Variants in GTF2F2 observed in about 807,000 individuals in gnomAD.
GTF2F2 encodes the protein general transcription factor IIF subunit 2.
GTF2F2 carries 23 observed loss-of-function variants against 42.2 expected under a neutral mutation model. The observed-to-expected ratio is 0.55, with a 90% confidence interval of 0.39 to 0.77. GTF2F2 has a LOEUF of 0.77. Ranked by LOEUF, GTF2F2 falls within the 30% of genes least tolerant of loss-of-function variation. The pLI is 0.00. For synonymous variants in GTF2F2, 105 were observed against 100.8 expected (o/e 1.04, Z -0.25); for missense variants, 261 against 287.2 (o/e 0.91, Z 0.66).
intron 5 of GTF2F2, among the ~76,000 whole-genome samples, chr13:45,225,493 C>T (rs1874299721): frequency 6.6e-6 from 1 of 151,748 alleles, no homozygotes; most frequent in Admixed American, 6.6e-5. Flanking sequence ...GCAGCAGGTG[C>T]CTATAGTCCC....
chr13:45,153,976 C>CAA lies in GTF2F2; in HGVS notation c.304+2168_304+2169dup, dbSNP rs71070960. Among the ~76,000 whole-genome samples, 488 of 69,178 alleles carry CAA rather than the reference C, an allele frequency of 7.1e-3. 9 individuals carry two copies. Among genetic ancestry groups the CAA allele is most frequent in the African/African-American group, 0.014 (254 of 17,796 alleles). 45.4% of individuals were successfully genotyped at this position (69,178 alleles called of 152,430 possible). A position where few individuals can be genotyped will look rare whatever the true frequency, so the allele number is the denominator to read the frequency against. On this transcript the variant is annotated intron_variant, in intron 4 of 7. Coordinates refer to ENST00000340473, the MANE Select transcript of GTF2F2 (RefSeq NM_004128.3). ...TGGGCAACAGAGGGAGACTCAGTCT[C>CAA]AAAAAAAAAAAAAAAAAAAAAAAAG...
At chr13:45,165,132 A>C (rs753086263) in intron 4 of GTF2F2, among the ~76,000 whole-genome samples, 1 of 151,982 alleles carries the variant, frequency 6.6e-6, no homozygotes, top group African/African-American at 2.4e-5. Flanking sequence ...ATGCAGAATC[A>C]ATTTGTGAGG....
chr13:45,250,017 G>A (rs542619110), intron 5 of GTF2F2, among the ~76,000 whole-genome samples: 129 of 150,742 alleles, frequency 8.6e-4, no homozygotes, highest in African/African-American at 2.9e-3. Flanking sequence ...TTTCCTTGGA[G>A]GAATCATTTC....
chr13:45,283,766 T>G lies in GTF2F2; in HGVS notation c.*205T>G. ...AGAAAGAACAGATTTATTTATAGACTTAACTTGTATTAAACCAGATTATTC... is the reference window on the plus strand; with the variant it reads ...AGAAAGAACAGATTTATTTATAGACGTAACTTGTATTAAACCAGATTATTC... On this transcript the variant is annotated 3_prime_UTR_variant, in exon 8 of 8. Coordinates refer to ENST00000340473, the MANE Select transcript of GTF2F2 (RefSeq NM_004128.3). 1 of 286,898 alleles carries G rather than the reference T, an allele frequency of 3.5e-6. No homozygotes were observed. Among genetic ancestry groups the G allele is most frequent in the African/African-American group, 2.2e-5 (1 of 45,666 alleles). The allele number at this position is 286,898 out of a possible 1,614,324, so 17.8% of individuals were successfully genotyped here. A position where few individuals can be genotyped will look rare whatever the true frequency, so the allele number is the denominator to read the frequency against.
At chr13:45,271,485 C>T (rs113456567) in intron 7 of GTF2F2, among the ~76,000 whole-genome samples, 1,716 of 151,776 alleles carry the variant, frequency 0.011, 38 homozygotes, top group African/African-American at 0.039. Context: ...CTAGTTCAAG[C>T]GATTCTTCTG....
chr13:45,272,994 TCGG>T (rs950452286), intron 7 of GTF2F2, among the ~76,000 whole-genome samples: 21 of 137,818 alleles, frequency 1.5e-4, no homozygotes, highest in Non-Finnish European at 1.5e-4. Context: ...TGGCGCAATC[TCGG>T]CTCACTGCAA....
At chr13:45,151,590 AAC>A in intron 3 of GTF2F2, 95 bp from the exon 4 acceptor site, 1 of 719,740 alleles carries the variant, frequency 1.4e-6, no homozygotes, top group Non-Finnish European at 2.2e-6. Flanking sequence ...ATGACTGGAA[AAC>A]ACATTTAAAA....
intron 4 of GTF2F2, among the ~76,000 whole-genome samples, chr13:45,175,932 A>C (rs113080187): frequency 6.6e-6 from 1 of 152,256 alleles, no homozygotes; most frequent in South Asian, 2.1e-4. Flanking sequence ...CCATTTGCCA[A>C]ATTCTATCGG....
chr13:45,276,493 A>G (rs981672282), intron 7 of GTF2F2, among the ~76,000 whole-genome samples: 2 of 151,368 alleles, frequency 1.3e-5, no homozygotes, highest in Admixed American at 6.6e-5. Flanking sequence ...CTGGGGTGCA[A>G]TGGCATGATC....
In GTF2F2 at chr13:45,267,370, A is replaced by T; in HGVS notation, c.624A>T (p.Gln208His). ...AGGACTTGGTGGACATCACAAAGCA[A>T]CCTGTGGTATGTATATGTTCATACT... is the stretch of plus-strand genomic sequence containing the variant. ...NLKDLVDITK[Q>H]PVVYLKEILK... The change falls in exon 7 of 8, where the codon CAA (glutamine) becomes CAT (histidine). Residue 208 changes from glutamine (Q) to histidine (H), a missense_variant. Transcript: ENST00000340473. 1 of 1,601,886 alleles carries T rather than the reference A, an allele frequency of 6.2e-7. No individual in the cohort carries two copies. The highest frequency in any genetic ancestry group is 8.5e-7 in the Non-Finnish European group (1 of 1,171,404).
intron 5 of GTF2F2, among the ~76,000 whole-genome samples, chr13:45,236,067 A>G (rs992218335): frequency 2.0e-5 from 3 of 152,220 alleles, no homozygotes. Context: ...ATTGTTTTCT[A>G]GAGAAAGAAT....
intron 4 of GTF2F2, among the ~76,000 whole-genome samples, chr13:45,205,243 AAGCAAAGGGGAAGCAGGC>A (rs943422280): frequency 1.3e-5 from 2 of 152,204 alleles, no homozygotes; most frequent in African/African-American, 4.8e-5. Context: ...TCATGGTGGA[AAGCAAAGGGGAAGCAGGC>A]ACCAAGGTGG....
At chr13:45,168,373 A>G (rs563812684) in intron 4 of GTF2F2, among the ~76,000 whole-genome samples, 1 of 152,238 alleles carries the variant, frequency 6.6e-6, no homozygotes, top group Non-Finnish European at 1.5e-5. Context: ...CAGAAATGCC[A>G]GGATTTTAAC....
At position 45,197,298 on chromosome 13, in the gene GTF2F2, A is replaced by T. The variant is rs1223475116; in HGVS notation, c.305-10126A>T. Among the ~76,000 whole-genome samples the T allele has an allele frequency of 3.3e-5, 5 of 150,818 alleles. No homozygotes were observed. The East Asian group carries it at 9.8e-4, about 30-fold the overall frequency. On this transcript the variant is annotated intron_variant, in intron 4 of 7. Transcript: ENST00000340473. Reference sequence around the variant, plus strand: ...GGTCACTTGAGGCCAGGAGTTTGAGACCAGCCTGGCCAGTATAGGGAAATC... The same window carrying T: ...GGTCACTTGAGGCCAGGAGTTTGAGTCCAGCCTGGCCAGTATAGGGAAATC...
chr13:45,197,675 C>T (rs1244717131), intron 4 of GTF2F2, among the ~76,000 whole-genome samples: 6 of 152,094 alleles, frequency 3.9e-5, no homozygotes, highest in Admixed American at 3.3e-4. Context: ...CAGATTATCT[C>T]GTTTTAGTCT....
At chr13:45,173,730 G>A (rs537657288) in intron 4 of GTF2F2, among the ~76,000 whole-genome samples, 1 of 144,496 alleles carries the variant, frequency 6.9e-6, no homozygotes, top group Admixed American at 7.4e-5. Context: ...CCATTCTCCT[G>A]CCTCAGCCCC....
intron 4 of GTF2F2, among the ~76,000 whole-genome samples, chr13:45,197,640 G>T (rs1872969401): frequency 6.6e-6 from 1 of 152,110 alleles, no homozygotes; most frequent in African/African-American, 2.4e-5. Flanking sequence ...GCCTGTGGTG[G>T]TACACATGCC....
intron 5 of GTF2F2, among the ~76,000 whole-genome samples, chr13:45,222,829 T>C (rs1874173616): frequency 6.6e-6 from 1 of 152,194 alleles, no homozygotes; most frequent in East Asian, 1.9e-4. Flanking sequence ...CTAAACCTGC[T>C]TCGTGAACTA....
chr13:45,214,100 A>G (rs1306318984), intron 5 of GTF2F2, among the ~76,000 whole-genome samples: 1 of 152,206 alleles, frequency 6.6e-6, no homozygotes, highest in Non-Finnish European at 1.5e-5. Context: ...ATTCTTGGAA[A>G]CATAAATGAC....
Sources: allele counts gnomAD v4.1 joint callset (sites outside exome capture counted in the v4.1 genomes callset), GRCh38; gene constraint gnomAD v4.1.1; transcripts MANE v1.5; gene names NCBI Gene and HGNC (gene_info 2026-07-23, HGNC 2026-07-21).